The following MEGF10 variants were observed in gnomAD, a reference collection of about 807,000 sequenced individuals.
MEGF10 encodes multiple EGF like domains 10.
A neutral mutation model predicts 147.5 loss-of-function variants in MEGF10; 86 were observed. That is an observed-to-expected ratio of 0.58 (90% CI 0.49 to 0.70). The LOEUF is 0.70. Among genes scored for constraint, MEGF10 ranks in the 30% least tolerant of loss-of-function variants. The pLI is 0.00. For synonymous variants in MEGF10, 478 were observed against 525.5 expected (o/e 0.91, Z 1.24); for missense variants, 1,329 against 1,487.3 (o/e 0.89, Z 1.75).
the MEGF10 span, among the ~76,000 whole-genome samples, chr5:127,275,289 A>G: frequency 6.6e-6 from 1 of 152,122 alleles, no homozygotes; most frequent in Non-Finnish European, 1.5e-5. Context: ...TAGAGGATTT[A>G]CTACAGTGCA....
In MEGF10 at chr5:127,435,496, C is replaced by A. The variant is rs371274853; in HGVS notation, c.2104+7C>A. On this transcript the variant is annotated splice_region_variant and intron_variant, in intron 16 of 24. Coordinates refer to ENST00000503335, the MANE Select transcript of MEGF10 (RefSeq NM_001256545.2). ...GGCAGTGACTGCTCTCAACGTAAGT[C>A]TTGTTTGAGAACAATTAATAAACTG... 6.8e-6 allele frequency: 11 copies of A among 1,610,286 alleles called. No homozygotes were observed. The African/African-American group carries it at 1.5e-4, about 22-fold the overall frequency.
chr5:127,409,104 A>G (rs1271180381), intron 8 of MEGF10, among the ~76,000 whole-genome samples: 3 of 152,176 alleles, frequency 2.0e-5, no homozygotes, highest in African/African-American at 7.2e-5. Flanking sequence ...TTTGTCCTCT[A>G]CACTAAAATA....
intron 1 of MEGF10, among the ~76,000 whole-genome samples, chr5:127,324,244 T>C (rs1400183837): frequency 6.6e-6 from 1 of 152,140 alleles, no homozygotes; most frequent in Non-Finnish European, 1.5e-5. Flanking sequence ...ACTCTTAAGG[T>C]TGAGAAGAAT....
the MEGF10 span, among the ~76,000 whole-genome samples, chr5:127,242,096 G>A: frequency 6.6e-6 from 1 of 152,172 alleles, no homozygotes; most frequent in Non-Finnish European, 1.5e-5. Flanking sequence ...ATCAGTGAAT[G>A]AATGTGAAGA....
In MEGF10 at chr5:127,371,894, G is replaced by A. The variant is rs149709727; in HGVS notation, c.412+1892G>A. Among the ~76,000 whole-genome samples the A allele has an allele frequency of 2.0e-3, 308 of 152,224 alleles. 2 individuals carry two copies. Among genetic ancestry groups the A allele is most frequent in the African/African-American group, 7.1e-3 (293 of 41,532 alleles). On this transcript the variant is annotated intron_variant, in intron 5 of 24. Transcript: ENST00000503335. ...AAAGCACAAATAAACATGAACAGATGTCTGAAATGTTTAAAGGTGTTCTGA... is the reference window on the plus strand; with the variant it reads ...AAAGCACAAATAAACATGAACAGATATCTGAAATGTTTAAAGGTGTTCTGA...
chr5:127,345,701 T>A (rs1761858041), intron 4 of MEGF10, among the ~76,000 whole-genome samples: 1 of 152,166 alleles, frequency 6.6e-6, no homozygotes, highest in Admixed American at 6.6e-5. Context: ...TGGAGATTTT[T>A]CTTTTATTTC....
the MEGF10 span, among the ~76,000 whole-genome samples, chr5:127,238,137 C>A: frequency 1.3e-5 from 2 of 151,150 alleles, no homozygotes; most frequent in Non-Finnish European, 2.9e-5. Context: ...CTCACTGCAA[C>A]CTCCACCTCC....
intron 4 of MEGF10, among the ~76,000 whole-genome samples, chr5:127,352,097 A>AAT (rs151246537): frequency 0.046 from 6,924 of 151,834 alleles, 520 homozygotes; most frequent in African/African-American, 0.16. Flanking sequence ...AATATATATA[A>AAT]ATATATATAT....
the MEGF10 span, among the ~76,000 whole-genome samples, chr5:127,255,444 A>G: frequency 2.6e-5 from 4 of 152,104 alleles, no homozygotes; most frequent in African/African-American, 4.8e-5. Flanking sequence ...TTACAAAGGC[A>G]ATTTCAGTCC....
intron 1 of MEGF10, among the ~76,000 whole-genome samples, chr5:127,296,071 C>T (rs534975599): frequency 2.0e-5 from 3 of 152,230 alleles, no homozygotes; most frequent in Middle Eastern, 3.4e-3. Context: ...CATTATTGTT[C>T]ACCATGATCA....
intron 1 of MEGF10, among the ~76,000 whole-genome samples, chr5:127,318,070 T>A (rs1760634753): frequency 6.6e-6 from 1 of 152,130 alleles, no homozygotes; most frequent in Non-Finnish European, 1.5e-5. Context: ...TTGCTCTCAG[T>A]AATGGGATCA....
At chr5:127,321,647 T>G (rs1760789927) in intron 1 of MEGF10, among the ~76,000 whole-genome samples, 1 of 152,158 alleles carries the variant, frequency 6.6e-6, no homozygotes, top group South Asian at 2.1e-4. Flanking sequence ...AGTGCTTCAG[T>G]ATTTGAAGGT....
chr5:127,413,303 G>T (rs1423450905), intron 9 of MEGF10, among the ~76,000 whole-genome samples: 2 of 152,134 alleles, frequency 1.3e-5, no homozygotes, highest in East Asian at 3.8e-4. Flanking sequence ...AATAAAATTT[G>T]AGATTTAATA....
intron 7 of MEGF10, among the ~76,000 whole-genome samples, chr5:127,402,004 T>A (rs2126933579): frequency 6.6e-6 from 1 of 152,368 alleles, no homozygotes; most frequent in African/African-American, 2.4e-5. Flanking sequence ...TCTTCGGCAA[T>A]GTGATTGTTA....
the MEGF10 span, among the ~76,000 whole-genome samples, chr5:127,255,067 T>C: frequency 1.3e-5 from 2 of 151,634 alleles, no homozygotes; most frequent in Admixed American, 6.6e-5. Context: ...TGTTGATTGG[T>C]TGGGGATGAA....
chr5:127,285,558 G>C, the MEGF10 span, among the ~76,000 whole-genome samples: 3 of 152,028 alleles, frequency 2.0e-5, no homozygotes, highest in African/African-American at 4.8e-5. Context: ...AAATTAGTAA[G>C]GAAATAGAAG....
At chr5:127,364,549 A>G (rs979602097) in intron 4 of MEGF10, among the ~76,000 whole-genome samples, 1 of 152,222 alleles carries the variant, frequency 6.6e-6, no homozygotes, top group South Asian at 2.1e-4. Flanking sequence ...ATTAAACTGA[A>G]GAAAAAGAGA....
chr5:127,356,085 A>C (rs867612387), intron 4 of MEGF10, among the ~76,000 whole-genome samples: 40 of 152,378 alleles, frequency 2.6e-4, no homozygotes, highest in Middle Eastern at 6.8e-3. Context: ...CTATGGTTCA[A>C]ATCTTTTCAG....
At chr5:127,420,920 C>A (rs2126975353) in intron 12 of MEGF10, among the ~76,000 whole-genome samples, 1 of 152,284 alleles carries the variant, frequency 6.6e-6, no homozygotes, top group African/African-American at 2.4e-5. Context: ...TTCTCTGCCT[C>A]CAGGACATCA....
Sources: allele counts gnomAD v4.1 joint callset (sites outside exome capture counted in the v4.1 genomes callset), GRCh38; gene constraint gnomAD v4.1.1; transcripts MANE v1.5; gene names NCBI Gene and HGNC (gene_info 2026-07-23, HGNC 2026-07-21).